The following E2F1 variants were observed in gnomAD, a reference collection of about 807,000 sequenced individuals.
E2F1 encodes the protein E2F transcription factor 1.
In E2F1, 7 loss-of-function variants were observed where a neutral mutation model predicts 36.9. That is an observed-to-expected ratio of 0.19 (90% confidence interval 0.11 to 0.36). The LOEUF is 0.36. Among genes scored for constraint, E2F1 ranks in the 10% least tolerant of loss-of-function variants. The pLI is 1.00. For synonymous variants in E2F1, 261 were observed against 263.1 expected (o/e 0.99, Z 0.08); for missense variants, 406 against 573.6 (o/e 0.71, Z 2.99).
In E2F1 at chr20:33,686,221, G is replaced by A. The variant is rs1281052952; in HGVS notation, c.44C>T (p.Ala15Val). ...GAPAGGPCAP[A>V]LEALLGAGAL... Reference sequence around the variant, plus strand: ...GCCGGCCCCGAGCAGGGCCTCCAGCGCCGGCGCGCATGGGCCGCCCGCAGG... The same window carrying A: ...GCCGGCCCCGAGCAGGGCCTCCAGCACCGGCGCGCATGGGCCGCCCGCAGG... Residue 15 changes from alanine to valine, a missense_variant, in exon 1 of 7, where the codon GCG becomes GTG. This residue lies in a region of E2F1 where 68 missense variants were observed against 74.3 expected (regional missense o/e 0.92). Coordinates refer to ENST00000343380, the MANE Select transcript of E2F1 (RefSeq NM_005225.3). 1.9e-6 allele frequency: 2 copies of A among 1,029,928 alleles called. No individual in the cohort carries two copies. The highest frequency in any genetic ancestry group is 2.3e-6 in the Non-Finnish European group (2 of 860,770). The allele number at this position is 1,029,928 out of a possible 1,614,324, so 63.8% of individuals were successfully genotyped here.
Position 33,686,271 on chromosome 20 carries a change from C to G in E2F1, c.-7G>C, listed in dbSNP as rs2018069093. 9.9e-7 allele frequency: 1 copy of G among 1,005,028 alleles called. No individual in the cohort carries two copies. The highest frequency in any genetic ancestry group is 6.0e-5 in the Admixed American group (1 of 16,768). The allele number at this position is 1,005,028 out of a possible 1,614,324, so 62.3% of individuals were successfully genotyped here. On this transcript the variant is annotated 5_prime_UTR_variant, in exon 1 of 7. It removes the in-frame stop codon of an upstream open reading frame in the 5' UTR. Coordinates refer to ENST00000343380, the MANE Select transcript of E2F1 (RefSeq NM_005225.3). ...GGGCCCCGGCCAAGGCCATGACGCT[C>G]ACGGCCCGCGCGGCCCGGGTGACAG... is the stretch of plus-strand genomic sequence containing the variant.
Position 33,679,943 on chromosome 20 carries a change from A to G in E2F1, c.384T>C (p.Tyr128=), listed in dbSNP as rs1159604168. ...GVKSPGEKSR[Y]ETSLNLTTKR... Reference sequence around the variant, plus strand: ...TGGTGGTCAGATTCAGTGAGGTCTCATAGCGTGACTTCTCCCCCGGGGATT... The same window carrying G: ...TGGTGGTCAGATTCAGTGAGGTCTCGTAGCGTGACTTCTCCCCCGGGGATT... Residue 128 remains tyrosine, a synonymous_variant, in exon 3 of 7, where the codon TAT becomes TAC. Transcript: ENST00000343380. The surrounding 1 kb of genome is among the most constrained non-coding windows in gnomAD (Gnocchi z 4.6). 1 of 1,614,158 alleles carries G rather than the reference A, an allele frequency of 6.2e-7. No individual in the cohort carries two copies. Among genetic ancestry groups the G allele is most frequent in the South Asian group, 1.1e-5 (1 of 91,082 alleles).
At chr20:33,680,513 T>C in intron 1 of E2F1, 97 bp from the exon 2 acceptor site, 2 of 1,030,074 alleles carry the variant, frequency 1.9e-6, no homozygotes, top group Admixed American at 2.2e-5. Context: ...CGCCTCAGTT[T>C]CTCTAGCAGG....
chr20:33,677,439 A>G lies in E2F1; in HGVS notation c.827T>C (p.Val276Ala). The G allele has an allele frequency of 6.2e-7, 1 of 1,614,128 alleles. No homozygotes were observed. ...KAPPETQLQA[V>A]DSSENFQISL... ...CCCAGATCTCACCTCCGAAGAGTCC[A>G]CGGCTTGGAGCTGGGTCTCAGGAGG... The change falls in exon 5 of 7, where the codon GTG (valine) becomes GCG (alanine). Residue 276 changes from valine (V) to alanine (A), a missense_variant. This residue lies in a region of E2F1 where 93 missense variants were observed against 143.3 expected (regional missense o/e 0.65). Coordinates refer to ENST00000343380, the MANE Select transcript of E2F1 (RefSeq NM_005225.3).
intron 1 of E2F1, 55 bp downstream of exon 1, chr20:33,685,949 G>A (rs2018063937): frequency 9.1e-7 from 1 of 1,101,834 alleles, no homozygotes; most frequent in Non-Finnish European, 1.1e-6. Context: ...GCCCTCCCGG[G>A]TCTGCGCGGG....
At chr20:33,682,231 C>G (rs566344100) in intron 1 of E2F1, among the ~76,000 whole-genome samples, 7 of 152,196 alleles carry the variant, frequency 4.6e-5, no homozygotes, top group African/African-American at 7.2e-5. Flanking sequence ...ATGAACCCCC[C>G]CCATGCTGAT....
intron 1 of E2F1, among the ~76,000 whole-genome samples, chr20:33,682,286 CAGGGGAAAGAAG>C (rs1292950071): frequency 6.6e-6 from 1 of 152,142 alleles, no homozygotes; most frequent in African/African-American, 2.4e-5. Flanking sequence ...TGAAGGCACC[CAGGGGAAAGAAG>C]AGCTGTTGTG....
intron 1 of E2F1, 147 bp downstream of exon 1, chr20:33,685,857 C>T: frequency 1.3e-6 from 1 of 792,198 alleles, no homozygotes; most frequent in Non-Finnish European, 1.6e-6. Flanking sequence ...CCCGGAGGCC[C>T]AACCCCGGCT....
intron 3 of E2F1, among the ~76,000 whole-genome samples, chr20:33,678,846 C>T (rs373762029): frequency 4.6e-5 from 7 of 152,256 alleles, no homozygotes; most frequent in African/African-American, 1.7e-4. Flanking sequence ...GTCCTAGCTA[C>T]AGGTACGGAG....
rs547184326 is a variant in E2F1 at position 33,676,667 on chromosome 20, A to G, written c.*65T>C. ...ACAGGCTGGGAGGACGGCCAGGGAC[A>G]GGGGGCTCCAGGGCTGCAGAGACAA... On this transcript the variant is annotated 3_prime_UTR_variant, in exon 7 of 7. Transcript: ENST00000343380. The G allele has an allele frequency of 2.0e-5, 30 of 1,520,786 alleles. No individual in the cohort carries two copies. The East Asian group carries it at 5.7e-4, about 29-fold the overall frequency. The allele number at this position is 1,520,786 out of a possible 1,614,324, so 94.2% of individuals were successfully genotyped here.
intron 3 of E2F1, 92 bp from the exon 4 acceptor site, chr20:33,678,445 C>T (rs2122544371): frequency 6.6e-7 from 1 of 1,509,670 alleles, no homozygotes; most frequent in Non-Finnish European, 9.0e-7. Context: ...GCTGTTGCCT[C>T]TGTTCTGTGA....
In E2F1 at chr20:33,676,823, G is replaced by T; in HGVS notation, c.1223C>A (p.Ala408Asp). ...CTCGAGGCCGAAGTGGTAGTCGAGG[G>T]CCTCGTGGGGTGGGGAAAGGCTGAT... Reference protein sequence around the residue: ...EFISLSPPHEALDYHFGLEEG... With the variant: ...EFISLSPPHEDLDYHFGLEEG... Residue 408 changes from alanine (A) to aspartate (D), a missense_variant, in exon 7 of 7, where the codon GCC becomes GAC. Coordinates refer to ENST00000343380, the MANE Select transcript of E2F1 (RefSeq NM_005225.3). 2 of 1,597,074 alleles carry T rather than the reference G, an allele frequency of 1.3e-6. No homozygotes were observed. Among genetic ancestry groups the T allele is most frequent in the Non-Finnish European group, 1.7e-6 (2 of 1,171,144 alleles).
In E2F1 at chr20:33,680,379, T is replaced by C. The variant is rs753190783; in HGVS notation, c.299A>G (p.Tyr100Cys). 4 of 1,614,182 alleles carry C rather than the reference T, an allele frequency of 2.5e-6. No homozygotes were observed. The South Asian group carries it at 4.4e-5, about 18-fold the overall frequency. The stretch of plus-strand genomic sequence containing the variant: ...AGCTGGCCCACTGCTCTCGGCCAGG[T>C]ACTGATGGTCAGTTTCCAGGTCCAG... ...RRLDLETDHQ[Y>C]LAESSGPARG... is the part of the protein sequence containing the mutation. Residue 100 changes from tyrosine to cysteine, a missense_variant, in exon 2 of 7, where the codon TAC becomes TGC. Physicochemically the swap from Tyr to Cys is radical, Grantham distance 194 (BLOSUM62 -2). This residue lies in a region of E2F1 where 77 missense variants were observed against 131.7 expected (regional missense o/e 0.58). Transcript: ENST00000343380.
chr20:33,678,515 A>G (rs2017987088), intron 3 of E2F1, among the ~76,000 whole-genome samples, 162 bp from the exon 4 acceptor site: 1 of 152,196 alleles, frequency 6.6e-6, no homozygotes, highest in Admixed American at 6.5e-5. Context: ...TCCAAATCAG[A>G]GTGTCATGGG....
In E2F1 at chr20:33,677,748, C is replaced by T. The variant is rs988743094; in HGVS notation, c.726-208G>A. On this transcript the variant is annotated intron_variant, in intron 4 of 6. Coordinates refer to ENST00000343380, the MANE Select transcript of E2F1 (RefSeq NM_005225.3). ...TGAATCCCAAGGTAATAATGGCTAC[C>T]GGGAACGATTCCATGTAAAATGTTC... Among the ~76,000 whole-genome samples, 37 of 152,098 alleles carry T rather than the reference C, an allele frequency of 2.4e-4. 1 individual carries two copies. Among genetic ancestry groups the T allele is most frequent in the Admixed American group, 6.5e-4 (10 of 15,276 alleles).
In E2F1 at chr20:33,676,968, A is replaced by G; in HGVS notation, c.1078T>C (p.Ser360Pro). 6.4e-7 allele frequency: 1 copy of G among 1,566,400 alleles called. No individual in the cohort carries two copies. The highest frequency in any genetic ancestry group is 1.2e-5 in the South Asian group (1 of 86,064). ...GGAGCCCGCAGGCTGCCCATCCGGG[A>G]CAACAGCGGTTCTGGGGAGACGGGG... Reference protein sequence around the residue: ...LLSLEQEPLLSRMGSLRAPVD... With the variant: ...LLSLEQEPLLPRMGSLRAPVD... Residue 360 changes from serine (S) to proline (P), a missense_variant, in exon 7 of 7, where the codon TCC becomes CCC. Physicochemically the swap from Ser to Pro is moderately conservative, Grantham distance 74. This residue lies in a region of E2F1 where 163 missense variants were observed against 181.5 expected (regional missense o/e 0.90). Transcript: ENST00000343380.
chr20:33,679,643 C>T lies in E2F1; in HGVS notation c.572+112G>A, dbSNP rs972025314. ...GGAAGCTACCTCTCCTCTCTGAGCC[C>T]GTTTCCCCAGCTATAAGATGGGGAT... On this transcript the variant is annotated intron_variant, in intron 3 of 6. Transcript: ENST00000343380. This position sits in a 1 kb window ranked among gnomAD's most constrained non-coding sequence, Gnocchi z 4.6. 26 of 978,506 alleles carry T rather than the reference C, an allele frequency of 2.7e-5. No homozygotes were observed. The highest frequency in any genetic ancestry group is 1.4e-4 in the Admixed American group (8 of 55,402). The allele number at this position is 978,506 out of a possible 1,614,324, so 60.6% of individuals were successfully genotyped here.
chr20:33,680,202 G>A, intron 2 of E2F1, 124 bp downstream of exon 2: 1 of 1,108,636 alleles, frequency 9.0e-7, no homozygotes. Context: ...TGCCCATCAG[G>A]GTCCTCAGAG....
Position 33,677,197 on chromosome 20 carries a change from G to A in E2F1, c.974C>T (p.Thr325Ile). 1.2e-6 allele frequency: 2 copies of A among 1,614,178 alleles called. No individual in the cohort carries two copies. Among genetic ancestry groups the A allele is most frequent in the Non-Finnish European group, 1.7e-6 (2 of 1,180,006 alleles). The change falls in exon 6 of 7, where the codon ACT becomes ATT. Residue 325 changes from threonine (T) to isoleucine (I), a missense_variant. Physicochemically the swap from Thr to Ile is moderately conservative, Grantham distance 89. Around this residue, in one of 5 missense-constraint regions of E2F1, gnomAD observed 163 missense variants for 181.5 expected, o/e 0.90. Coordinates refer to ENST00000343380, the MANE Select transcript of E2F1 (RefSeq NM_005225.3). ...TGGTGACACTATGGTGGCAGAGTCA[G>A]TGGCCCTGTTCTCCTCCTCAGAAGT... ...EVTSEEENRA[T>I]DSATIVSPPP...
Sources: allele counts gnomAD v4.1 joint callset (sites outside exome capture counted in the v4.1 genomes callset), GRCh38; gene constraint gnomAD v4.1.1; regional missense constraint gnomAD v4.1.1; non-coding constraint Gnocchi (gnomAD v3.1); transcripts MANE v1.5; gene names NCBI Gene and HGNC (gene_info 2026-07-23, HGNC 2026-07-21).